Variants in GPRC5C observed in about 807,000 individuals in gnomAD.
The protein encoded by GPRC5C is G protein-coupled receptor class C group 5 member C, also known as G protein-coupled receptor family C group 5 member C.
GPRC5C carries 22 observed loss-of-function variants against 31.4 expected under a neutral mutation model. That is an observed-to-expected ratio of 0.70 (90% CI 0.50 to 1.00). The LOEUF is 1.00. Among genes scored for constraint, GPRC5C ranks in the 50% least tolerant of loss-of-function variants. The pLI is 0.00. For synonymous variants in GPRC5C, 249 were observed against 257.5 expected, an observed-to-expected ratio of 0.97 and a Z score of 0.32; for missense variants, 557 against 597.2, an observed-to-expected ratio of 0.93 and a Z score of 0.70.
rs1158309725 is a variant in GPRC5C at position 74,440,718 on chromosome 17, G to T, written c.942G>T (p.Gly314=). ...CCAGCCCAGAGCAAAGCTACCAGGG[G>T]GACATGTACCCCACCCGGGGCGTGG... The part of the protein sequence containing the change: ...TKSSPEQSYQ[G]DMYPTRGVGY... The change falls in exon 2 of 4, where the codon GGG becomes GGT. Residue 314 remains glycine (G), a synonymous_variant. Coordinates refer to ENST00000392627, the MANE Select transcript of GPRC5C (RefSeq NM_022036.4). This position sits in a 1 kb window ranked among gnomAD's most constrained non-coding sequence, Gnocchi z 4.4. 2 of 1,602,634 alleles carry T rather than the reference G, an allele frequency of 1.2e-6. No individual in the cohort carries two copies. The highest frequency in any genetic ancestry group is 2.7e-5 in the African/African-American group (2 of 74,720).
At position 74,440,869 on chromosome 17, in the gene GPRC5C, C is replaced by T; in HGVS notation, c.1051+42C>T. On this transcript the variant is annotated intron_variant, in intron 2 of 3. Transcript: ENST00000392627. The surrounding 1 kb of genome is among the most constrained non-coding windows in gnomAD (Gnocchi z 4.4). Reference sequence around the variant, plus strand: ...GCCCCCAGTGGCCCCTTTCTCCATCCCATGTCTTTTACTGCAGGACAGGGA... The same window carrying T: ...GCCCCCAGTGGCCCCTTTCTCCATCTCATGTCTTTTACTGCAGGACAGGGA... The T allele has an allele frequency of 1.4e-6, 2 of 1,432,460 alleles. No individual in the cohort carries two copies. The allele number at this position is 1,432,460 out of a possible 1,614,324, so 88.7% of individuals were successfully genotyped here.
At chr17:74,432,586 G>A in intron 1 of GPRC5C, 1 of 897,556 alleles carries the variant, frequency 1.1e-6, no homozygotes, top group East Asian at 1.2e-4. Flanking sequence ...GCGGGGAGTG[G>A]GCGAGGGCAG....
chr17:74,443,910 C>A lies in GPRC5C; in HGVS notation c.1144C>A (p.Pro382Thr), dbSNP rs142708564. The A allele has an allele frequency of 2.0e-3, 3,227 of 1,605,556 alleles. 11 individuals carry two copies. Among genetic ancestry groups the A allele is most frequent in the South Asian group, 8.2e-3 (744 of 90,748 alleles). Residue 382 changes from proline to threonine, a missense_variant and splice_region_variant, in exon 3 of 4, where the codon CCG (proline) becomes ACG (threonine). Physicochemically the swap from Pro to Thr is conservative, Grantham distance 38. Transcript: ENST00000392627. Reference protein sequence around the residue: ...PTEMALMHKVPSEGAYDIILP... With the variant: ...PTEMALMHKVTSEGAYDIILP... ...TGAGATGGCCCTGATGCACAAAGTT[C>A]CGGTAAGTGGGTTCCCCAGGTCCCC...
At chr17:74,450,516 T>C (rs898701011), downstream of GPRC5C, 7 of 152,174 alleles carry the variant, frequency 4.6e-5, no homozygotes, top group African/African-American at 1.4e-4. Context: ...TGGGCAGATA[T>C]GTAAGTAGGT....
chr17:74,443,611 T>C (rs1028832602), intron 2 of GPRC5C: 1 of 690,928 alleles, frequency 1.4e-6, no homozygotes, highest in East Asian at 2.8e-5. Context: ...CATGCATCTG[T>C]ACAAAGGGGT....
chr17:74,438,373 G>A (rs371911447), intron 1 of GPRC5C, among the ~76,000 whole-genome samples: 4 of 151,380 alleles, frequency 2.6e-5, no homozygotes, highest in East Asian at 3.9e-4. Flanking sequence ...CAATTCTCCT[G>A]CCTCAGCCTC....
At chr17:74,434,124 G>A (rs113954294) in intron 1 of GPRC5C, among the ~76,000 whole-genome samples, 8 of 152,140 alleles carry the variant, frequency 5.3e-5, no homozygotes, top group South Asian at 2.1e-4. Flanking sequence ...GGCCGATTTC[G>A]GAGGCGATTA....
Position 74,447,363 on chromosome 17 carries a change from T to TGAG in GPRC5C, c.*335_*336insGAG. On this transcript the variant is annotated 3_prime_UTR_variant, in exon 4 of 4. Coordinates refer to ENST00000392627, the MANE Select transcript of GPRC5C (RefSeq NM_022036.4). ...CAACCTCAAGAGACTTCCCAGGCGC[T>TGAG]CAGGCCTGGATCTTGCTCCTCTGTG... 9.3e-7 allele frequency: 1 copy of TGAG among 1,070,272 alleles called. No individual in the cohort carries two copies. Among genetic ancestry groups the TGAG allele is most frequent in the Non-Finnish European group, 1.1e-6 (1 of 882,544 alleles). 66.3% of individuals were successfully genotyped at this position (1,070,272 alleles called of 1,614,324 possible). A position where few individuals can be genotyped will look rare whatever the true frequency, so the allele number is the denominator to read the frequency against.
At chr17:74,444,688 C>G (rs537630263) in intron 3 of GPRC5C, among the ~76,000 whole-genome samples, 18 of 152,330 alleles carry the variant, frequency 1.2e-4, no homozygotes, top group African/African-American at 4.3e-4. Context: ...CCTCCCCTCT[C>G]CCTGAGCCTG....
At chr17:74,436,320 T>A (rs1598427114) in intron 1 of GPRC5C, among the ~76,000 whole-genome samples, 2 of 152,218 alleles carry the variant, frequency 1.3e-5, no homozygotes, top group South Asian at 4.1e-4. Context: ...CAGTCCTTCC[T>A]CACATTCTTC....
rs187258034 is a variant in GPRC5C, at chr17:74,432,689, G to T, written c.-33+548G>T. ...TTCAAACCCGAGCCGGCTGGGGACT[G>T]GGGGGGTGGGGGAGCCCGGCGCTGC... On this transcript the variant is annotated intron_variant, in intron 1 of 3. Transcript: ENST00000392627. Among the ~76,000 whole-genome samples the T allele has an allele frequency of 6.2e-3, 949 of 151,930 alleles. 13 individuals carry two copies. Among genetic ancestry groups the T allele is most frequent in the South Asian group, 0.046 (220 of 4,788 alleles).
rs1450656895 is a variant in GPRC5C, at chr17:74,440,802, CT to C, written c.1030del (p.Ser344ProfsTer23). 1.3e-6 allele frequency: 2 copies of C among 1,502,318 alleles called. No individual in the cohort carries two copies. 93.1% of individuals were successfully genotyped at this position (1,502,318 alleles called of 1,614,324 possible). A position where few individuals can be genotyped will look rare whatever the true frequency, so the allele number is the denominator to read the frequency against. On this transcript the variant is annotated frameshift_variant, in exon 2 of 4. Transcript: ENST00000392627. LOFTEE classifies it high-confidence loss of function. The surrounding 1 kb of genome is among the most constrained non-coding windows in gnomAD (Gnocchi z 4.4). ...GQSMFVENKA[F>X]SMDEPVAAKR... ...AGAGCATGTTCGTGGAGAACAAGGC[CT>C]TTTCCATGGATGAGCCGGTTGCAGG...
At chr17:74,443,942 C>A in intron 3 of GPRC5C, 30 bp downstream of exon 3, 1 of 1,446,396 alleles carries the variant, frequency 6.9e-7, no homozygotes, top group Non-Finnish European at 9.7e-7. Context: ...CCCCGTGACA[C>A]GTCTGGGCTA....
rs1422808128 is a variant in GPRC5C at position 74,432,106 on chromosome 17, C to T, written c.-68C>T. On this transcript the variant is annotated 5_prime_UTR_variant, in exon 1 of 4. Transcript: ENST00000392627. ...CAGGGCCAGAAACTCCCATCTCCCT[C>T]ACCAGCCGGAAAGTACGAGTCGGCT... is the stretch of plus-strand genomic sequence containing the variant. 1 of 1,613,518 alleles carries T rather than the reference C, an allele frequency of 6.2e-7. No homozygotes were observed.
chr17:74,449,092 G>A (rs1432475920), downstream of GPRC5C, among the ~76,000 whole-genome samples: 1 of 152,168 alleles, frequency 6.6e-6, no homozygotes, highest in Non-Finnish European at 1.5e-5. Context: ...TTCTGATACC[G>A]GTTGTAGGGG....
intron 1 of GPRC5C, chr17:74,432,349 C>T (rs1219296363): frequency 7.1e-7 from 1 of 1,417,674 alleles, no homozygotes; most frequent in Non-Finnish European, 9.2e-7. Flanking sequence ...CTGGCTCAGC[C>T]TCGGTCCCAG....
rs1250000838 is a variant in GPRC5C, at chr17:74,438,252, T to TATA, written c.-32-1493_-32-1492insATA. On this transcript the variant is annotated intron_variant, in intron 1 of 3. Coordinates refer to ENST00000392627, the MANE Select transcript of GPRC5C (RefSeq NM_022036.4). ...ATATATATATATATATATATATATA[T>TATA]TTGTTGTTGTTGTTGTTGTTTGTTT... Among the ~76,000 whole-genome samples, 442 of 107,210 alleles carry TATA rather than the reference T, an allele frequency of 4.1e-3. 7 individuals carry two copies. The highest frequency in any genetic ancestry group is 0.014 in the African/African-American group (259 of 18,734). The allele number at this position is 107,210 out of a possible 152,430, so 70.3% of individuals were successfully genotyped here. A position where few individuals can be genotyped will look rare whatever the true frequency, so the allele number is the denominator to read the frequency against.
intron 1 of GPRC5C, among the ~76,000 whole-genome samples, chr17:74,432,716 G>T (rs1378348564): frequency 2.0e-5 from 3 of 152,034 alleles, no homozygotes; most frequent in Admixed American, 6.5e-5. Flanking sequence ...CGGCGCTGCG[G>T]CTCGGGCTGG....
At chr17:74,432,309 G>A in intron 1 of GPRC5C, 168 bp downstream of exon 1, 3 of 1,446,164 alleles carry the variant, frequency 2.1e-6, no homozygotes, top group Non-Finnish European at 2.7e-6. Context: ...CTGGGGACAG[G>A]CCCGCGCGAG....
Sources: allele counts gnomAD v4.1 joint callset (sites outside exome capture counted in the v4.1 genomes callset), GRCh38; gene constraint gnomAD v4.1.1; non-coding constraint Gnocchi (gnomAD v3.1); transcripts MANE v1.5; gene names NCBI Gene and HGNC (gene_info 2026-07-23, HGNC 2026-07-21).